Variants in WIF1 observed in about 807,000 individuals in gnomAD.
The protein encoded by WIF1 is Wnt inhibitory factor 1.
WIF1 carries 35 observed loss-of-function variants against 53.5 expected under a neutral mutation model. That is an observed-to-expected ratio of 0.65 (90% confidence interval 0.50 to 0.87). The LOEUF is 0.87. WIF1 is among the 40% of genes least tolerant of loss of function. The pLI is 0.00. For synonymous variants in WIF1, 171 were observed against 170.4 expected (o/e 1.00, Z -0.03); for missense variants, 467 against 476.8 (o/e 0.98, Z 0.19).
At chr12:65,085,461 G>A (rs1883021818) in intron 2 of WIF1, among the ~76,000 whole-genome samples, 1 of 152,050 alleles carries the variant, frequency 6.6e-6, no homozygotes, top group Admixed American at 6.6e-5. Context: ...TTCAGATTTT[G>A]GAGCATTTCA....
chr12:65,105,499 G>T, intron 2 of WIF1, among the ~76,000 whole-genome samples: 1 of 152,226 alleles, frequency 6.6e-6, no homozygotes, highest in East Asian at 1.9e-4. Flanking sequence ...CATGGCACTA[G>T]CATCTGCTTG....
At chr12:65,088,043 T>G (rs1883066226) in intron 2 of WIF1, among the ~76,000 whole-genome samples, 1 of 152,206 alleles carries the variant, frequency 6.6e-6, no homozygotes, top group Non-Finnish European at 1.5e-5. Flanking sequence ...CATACATGCA[T>G]TATTCATTCT....
Position 65,121,159 on chromosome 12 carries a change from C to A in WIF1, c.33G>T (p.Ala11=). 1.9e-6 allele frequency: 3 copies of A among 1,546,206 alleles called. No homozygotes were observed. Among genetic ancestry groups the A allele is most frequent in the Non-Finnish European group, 2.6e-6 (3 of 1,145,226 alleles). ...ACAGGAGGATGCTCCAGAGCCAGAGCGCGGCGGCAGGGAAGGCGCTCCTCC... is the reference window on the plus strand; with the variant it reads ...ACAGGAGGATGCTCCAGAGCCAGAGAGCGGCGGCAGGGAAGGCGCTCCTCC... MARRSAFPAA[A]LWLWSILLCL... Residue 11 remains alanine (A), a synonymous_variant, in exon 1 of 10, where the codon GCG becomes GCT. Coordinates refer to ENST00000286574, the MANE Select transcript of WIF1 (RefSeq NM_007191.5).
At chr12:65,105,481 C>A (rs749602719) in intron 2 of WIF1, among the ~76,000 whole-genome samples, 3 of 152,156 alleles carry the variant, frequency 2.0e-5, no homozygotes, top group Non-Finnish European at 2.9e-5. Flanking sequence ...AGCTGGAAAG[C>A]CCAAGGGCAT....
At chr12:65,059,506 T>C (rs918499282) in intron 7 of WIF1, among the ~76,000 whole-genome samples, 2 of 152,222 alleles carry the variant, frequency 1.3e-5, no homozygotes, top group South Asian at 4.1e-4. Context: ...GAAGGTTCAT[T>C]AAAGATTCTT....
At chr12:65,110,033 A>G (rs1883406232) in intron 2 of WIF1, among the ~76,000 whole-genome samples, 1 of 152,230 alleles carries the variant, frequency 6.6e-6, no homozygotes, top group Non-Finnish European at 1.5e-5. Flanking sequence ...TTGCATTTGT[A>G]TAAAGATATT....
chr12:65,107,036 T>C (rs976843426), intron 2 of WIF1, among the ~76,000 whole-genome samples: 9 of 152,194 alleles, frequency 5.9e-5, no homozygotes, highest in Admixed American at 6.5e-5. Context: ...CTACTGAATA[T>C]AGTAATGAGC....
At chr12:65,059,404 A>G (rs1592387317) in intron 7 of WIF1, among the ~76,000 whole-genome samples, 1 of 152,226 alleles carries the variant, frequency 6.6e-6, no homozygotes, top group Non-Finnish European at 1.5e-5. Context: ...GAACTTTAAT[A>G]AGAAGAACCC....
intron 9 of WIF1, among the ~76,000 whole-genome samples, chr12:65,053,362 G>A (rs189222386): frequency 5.8e-4 from 88 of 152,280 alleles, no homozygotes; most frequent in Non-Finnish European, 1.8e-4. Flanking sequence ...ATCTTGAATT[G>A]TAATCCCCAT....
intron 2 of WIF1, among the ~76,000 whole-genome samples, chr12:65,084,856 C>T (rs535164035): frequency 6.6e-6 from 1 of 152,224 alleles, no homozygotes; most frequent in South Asian, 2.1e-4. Flanking sequence ...GGGCCAAAAA[C>T]TTCTCTCTTA....
chr12:65,076,001 G>T (rs1191757808), intron 3 of WIF1, among the ~76,000 whole-genome samples: 1 of 151,926 alleles, frequency 6.6e-6, no homozygotes, highest in Non-Finnish European at 1.5e-5. Context: ...ACCAAAAGAA[G>T]ACTGTGACAA....
chr12:65,058,914 T>A (rs1250224602), intron 7 of WIF1, among the ~76,000 whole-genome samples: 1 of 152,098 alleles, frequency 6.6e-6, no homozygotes, highest in African/African-American at 2.4e-5. Context: ...TAGCCAAGTG[T>A]GATGGTGGGC....
At chr12:65,101,400 G>C (rs1883280842) in intron 2 of WIF1, among the ~76,000 whole-genome samples, 1 of 152,144 alleles carries the variant, frequency 6.6e-6, no homozygotes, top group African/African-American at 2.4e-5. Flanking sequence ...TAATATAGCT[G>C]TTCTGTCTAC....
At chr12:65,106,053 C>A (rs973778095) in intron 2 of WIF1, among the ~76,000 whole-genome samples, 1 of 152,188 alleles carries the variant, frequency 6.6e-6, no homozygotes, top group African/African-American at 2.4e-5. Flanking sequence ...AAGCAGACTT[C>A]TCACCAGTGG....
chr12:65,120,730 A>G, intron 1 of WIF1, 174 bp from the exon 2 acceptor site: 3 of 876,992 alleles, frequency 3.4e-6, no homozygotes, highest in Non-Finnish European at 5.0e-6. Flanking sequence ...GATGATGAGA[A>G]TGATGCCAAC....
chr12:65,120,596 T>C (rs760517723), intron 1 of WIF1, 40 bp from the exon 2 acceptor site: 4 of 1,584,666 alleles, frequency 2.5e-6, no homozygotes, highest in African/African-American at 1.4e-5. Flanking sequence ...CCAGGTAGAC[T>C]TGAAATCATC....
intron 2 of WIF1, among the ~76,000 whole-genome samples, chr12:65,101,295 T>C (rs1275964713): frequency 6.6e-6 from 1 of 152,178 alleles, no homozygotes; most frequent in East Asian, 1.9e-4. Flanking sequence ...AGAGTCAGTT[T>C]CTCAGTTGTT....
At chr12:65,071,371 T>C (rs1384422496) in intron 3 of WIF1, among the ~76,000 whole-genome samples, 1 of 152,044 alleles carries the variant, frequency 6.6e-6, no homozygotes, top group African/African-American at 2.4e-5. Flanking sequence ...TTTCCACCAT[T>C]GCAGGGAACA....
chr12:65,064,706 G>C (rs1331577302), intron 6 of WIF1, among the ~76,000 whole-genome samples: 1 of 152,040 alleles, frequency 6.6e-6, no homozygotes, highest in African/African-American at 2.4e-5. Flanking sequence ...TCATTTGAAA[G>C]ATAAAATATT....
Sources: allele counts gnomAD v4.1 joint callset (sites outside exome capture counted in the v4.1 genomes callset), GRCh38; gene constraint gnomAD v4.1.1; transcripts MANE v1.5; gene names NCBI Gene and HGNC (gene_info 2026-07-23, HGNC 2026-07-21).